The following SLC26A2 variants were observed in gnomAD, a reference collection of about 807,000 sequenced individuals.
SLC26A2 encodes the protein solute carrier family 26 member 2.
Under a neutral mutation model 41.1 loss-of-function variants are expected in SLC26A2, and 36 were observed. That is an observed-to-expected ratio of 0.88 (90% CI 0.67 to 1.16). The LOEUF is 1.16. Among genes scored for constraint, SLC26A2 ranks in the 50% most tolerant of loss-of-function variants. SLC26A2 has a pLI of 0.00. For missense variants in SLC26A2, 796 were observed against 869.6 expected (o/e 0.92, Z 1.07); for synonymous variants, 291 against 311.6 (o/e 0.93, Z 0.70).
rs373382551 is a variant in SLC26A2 at position 149,978,204 on chromosome 5, C to G, written c.552C>G (p.Gly184=). The change falls in exon 2 of 3, where the codon GGC becomes GGG. Residue 184 remains glycine (G), a synonymous_variant. Transcript: ENST00000286298. The part of the protein sequence containing the change: ...ETVDRELQKA[G]YDNAHSAPSL... Reference sequence around the variant, plus strand: ...TTGACCGAGAACTACAGAAAGCTGGCTATGACAATGCCCATAGTGCTCCTT... The same window carrying G: ...TTGACCGAGAACTACAGAAAGCTGGGTATGACAATGCCCATAGTGCTCCTT... 2.2e-5 allele frequency: 36 copies of G among 1,613,962 alleles called. 1 individual carries two copies. Among genetic ancestry groups the G allele is most frequent in the Middle Eastern group, 1.6e-4 (1 of 6,084 alleles).
rs1195386042 is a variant in SLC26A2 at position 149,984,252 on chromosome 5, T to C, written c.*2439T>C. On this transcript the variant is annotated 3_prime_UTR_variant, in exon 3 of 3. Coordinates refer to ENST00000286298, the MANE Select transcript of SLC26A2 (RefSeq NM_000112.4). ...ATTTAAGATGTCACTAGAATTTACA[T>C]TTCATCCTCTCTACTTGGGTTGAGG... 2 of 152,362 alleles carry C rather than the reference T, an allele frequency of 1.3e-5. No individual in the cohort carries two copies. The highest frequency in any genetic ancestry group is 2.1e-4 in the South Asian group (1 of 4,830). The allele number at this position is 152,362 out of a possible 1,614,324, so 9.4% of individuals were successfully genotyped here. A position where few individuals can be genotyped will look rare whatever the true frequency, so the allele number is the denominator to read the frequency against.
chr5:149,975,555 C>G (rs1754979209), intron 1 of SLC26A2, among the ~76,000 whole-genome samples: 1 of 152,184 alleles, frequency 6.6e-6, no homozygotes, highest in African/African-American at 2.4e-5. Flanking sequence ...ACAGGAGAGT[C>G]ACAGACTGGT....
intron 1 of SLC26A2, among the ~76,000 whole-genome samples, chr5:149,968,376 C>A (rs1754841961): frequency 6.6e-6 from 1 of 152,032 alleles, no homozygotes; most frequent in Non-Finnish European, 1.5e-5. Context: ...TTTCTACCAG[C>A]AATGTATCAA....
At chr5:149,976,294 G>C (rs1209659445) in intron 1 of SLC26A2, among the ~76,000 whole-genome samples, 1 of 152,152 alleles carries the variant, frequency 6.6e-6, no homozygotes, top group African/African-American at 2.4e-5. Flanking sequence ...TGATGAACAA[G>C]ATGTCTTTCC....
intron 1 of SLC26A2, among the ~76,000 whole-genome samples, chr5:149,972,793 T>G (rs1008702519): frequency 6.6e-6 from 1 of 152,098 alleles, no homozygotes; most frequent in African/African-American, 2.4e-5. Flanking sequence ...TACGATATGT[T>G]TGGATTAAAC....
intron 1 of SLC26A2, among the ~76,000 whole-genome samples, chr5:149,974,732 T>C (rs1475154789): frequency 6.7e-6 from 1 of 148,534 alleles, no homozygotes; most frequent in Non-Finnish European, 1.5e-5. Flanking sequence ...CTTTTTTTTT[T>C]TTTTTTTTTT....
chr5:149,975,867 T>C (rs182402232), intron 1 of SLC26A2, among the ~76,000 whole-genome samples: 7 of 152,232 alleles, frequency 4.6e-5, no homozygotes, highest in African/African-American at 9.6e-5. Context: ...ATCTAAAATA[T>C]ATTGTCTCGG....
chr5:149,980,455 A>G lies in SLC26A2; in HGVS notation c.862A>G (p.Thr288Ala), dbSNP rs759942385. ...PRTNGVGSLI[T>A]TWIHVFRNIH... Reference sequence around the variant, plus strand: ...GACTAATGGTGTGGGCTCACTCATCACTACCTGGATACATGTCTTCAGAAA... The same window carrying G: ...GACTAATGGTGTGGGCTCACTCATCGCTACCTGGATACATGTCTTCAGAAA... Residue 288 changes from threonine to alanine, a missense_variant, in exon 3 of 3, where the codon ACT becomes GCT. Thr to Ala is a moderately conservative substitution (Grantham distance 58). Coordinates refer to ENST00000286298, the MANE Select transcript of SLC26A2 (RefSeq NM_000112.4). The G allele has an allele frequency of 6.8e-6, 11 of 1,614,074 alleles. No individual in the cohort carries two copies. Among genetic ancestry groups the G allele is most frequent in the Non-Finnish European group, 7.6e-6 (9 of 1,180,016 alleles).
chr5:149,975,112 G>A (rs1053187835), intron 1 of SLC26A2, among the ~76,000 whole-genome samples: 5 of 152,074 alleles, frequency 3.3e-5, no homozygotes, highest in African/African-American at 1.2e-4. Context: ...GCAGCTCTTG[G>A]ATGTTATGTT....
rs1418085919 is a variant in SLC26A2, at chr5:149,984,004, C to T, written c.*2191C>T. On this transcript the variant is annotated 3_prime_UTR_variant, in exon 3 of 3. Transcript: ENST00000286298. ...TTAAGATGTTATAATTAGCCAACAC[C>T]AACACAGCAAAAAATATAATTCCAG... 2 of 152,144 alleles carry T rather than the reference C, an allele frequency of 1.3e-5. No homozygotes were observed. The highest frequency in any genetic ancestry group is 6.5e-5 in the Admixed American group (1 of 15,272). 9.4% of individuals were successfully genotyped at this position (152,144 alleles called of 1,614,324 possible).
chr5:149,970,943 G>A (rs988657610), intron 1 of SLC26A2, among the ~76,000 whole-genome samples: 1 of 152,184 alleles, frequency 6.6e-6, no homozygotes, highest in African/African-American at 2.4e-5. Context: ...CTTATAGTAG[G>A]AGCTTAAAAT....
chr5:149,966,202 A>G (rs1187265505), intron 1 of SLC26A2, among the ~76,000 whole-genome samples: 1 of 152,200 alleles, frequency 6.6e-6, no homozygotes, highest in Non-Finnish European at 1.5e-5. Context: ...ACTGGTACCC[A>G]GCTGAACTCT....
At chr5:149,973,541 A>C (rs245077) in intron 1 of SLC26A2, among the ~76,000 whole-genome samples, 151,117 of 152,128 alleles carry the variant, frequency 0.99, 75,057 homozygotes, top group East Asian at 1. Context: ...GTCTCCCCTC[A>C]TCTCTCTCTC....
Position 149,982,258 on chromosome 5 carries a change from G to C in SLC26A2, c.*445G>C, listed in dbSNP as rs1365922878. On this transcript the variant is annotated 3_prime_UTR_variant, in exon 3 of 3. Transcript: ENST00000286298. ...ATGTTGCACCTGCTCTAGTACCATA[G>C]GTCAAGAGGCTTCTGGATCACAAAG... is the stretch of plus-strand genomic sequence containing the variant. The C allele has an allele frequency of 6.4e-6, 1 of 156,632 alleles. No individual in the cohort carries two copies. Among genetic ancestry groups the C allele is most frequent in the Non-Finnish European group, 1.4e-5 (1 of 70,900 alleles). 9.7% of individuals were successfully genotyped at this position (156,632 alleles called of 1,614,324 possible).
At chr5:149,976,180 C>G (rs1754988954) in intron 1 of SLC26A2, among the ~76,000 whole-genome samples, 2 of 151,762 alleles carry the variant, frequency 1.3e-5, no homozygotes, top group Admixed American at 1.3e-4. Context: ...AAAAATGTCT[C>G]TATCTGGCCA....
chr5:149,983,499 C>CTTGT lies in SLC26A2; in HGVS notation c.*1693_*1696dup, dbSNP rs1452753903. On this transcript the variant is annotated 3_prime_UTR_variant, in exon 3 of 3. Transcript: ENST00000286298. ...ATGTTAATTGCTGCTTGTATTTGTTCTTGTTTGTTTTTTAGCCAGTATTTG... is the reference window on the plus strand; with the variant it reads ...ATGTTAATTGCTGCTTGTATTTGTTCTTGTTTGTTTGTTTTTTAGCCAGTATTTG... The CTTGT allele has an allele frequency of 6.6e-6, 1 of 152,074 alleles. No homozygotes were observed. Among genetic ancestry groups the CTTGT allele is most frequent in the Non-Finnish European group, 1.5e-5 (1 of 68,002 alleles). The allele number at this position is 152,074 out of a possible 1,614,324, so 9.4% of individuals were successfully genotyped here.
At chr5:149,969,999 C>T (rs1407572977) in intron 1 of SLC26A2, among the ~76,000 whole-genome samples, 1 of 151,002 alleles carries the variant, frequency 6.6e-6, no homozygotes. Context: ...ATTTACTGAA[C>T]CTCTACTGTA....
chr5:149,981,263 T>C lies in SLC26A2; in HGVS notation c.1670T>C (p.Val557Ala), dbSNP rs370057170. The change falls in exon 3 of 3, where the codon GTG (valine) becomes GCG (alanine). Residue 557 changes from valine (V) to alanine (A), a missense_variant. Transcript: ENST00000286298. Reference protein sequence around the residue: ...QKPKSSLLGLVEESEVFESVS... With the variant: ...QKPKSSLLGLAEESEVFESVS... ...CCAAAGAGTTCACTGCTTGGCTTGG[T>C]GGAAGAGTCTGAGGTCTTTGAATCT... 78 of 1,614,088 alleles carry C rather than the reference T, an allele frequency of 4.8e-5. No individual in the cohort carries two copies. The highest frequency in any genetic ancestry group is 1.0e-4 in the Admixed American group (6 of 60,010).
At chr5:149,963,534 C>T (rs961592882) in intron 1 of SLC26A2, among the ~76,000 whole-genome samples, 2 of 151,982 alleles carry the variant, frequency 1.3e-5, no homozygotes, top group Non-Finnish European at 2.9e-5. Context: ...GCCTCCGCCT[C>T]CCAAAGTACT....
Sources: allele counts gnomAD v4.1 joint callset (sites outside exome capture counted in the v4.1 genomes callset), GRCh38; gene constraint gnomAD v4.1.1; transcripts MANE v1.5; gene names NCBI Gene and HGNC (gene_info 2026-07-23, HGNC 2026-07-21).